IRAG2: variants seen among roughly 807,000 people sequenced by gnomAD.
IRAG2 encodes the protein inositol 1,4,5-triphosphate receptor associated 2, also known as lymphoid restricted membrane protein.
In IRAG2, 45 loss-of-function variants were observed where a neutral mutation model predicts 69.9. The ratio of observed to expected loss-of-function variants is 0.64; its 90% CI spans 0.51 to 0.83. The LOEUF (loss-of-function observed/expected upper bound fraction) is 0.83, where lower values mean the gene tolerates loss of function less well. Ranked by LOEUF, IRAG2 falls within the 40% of genes least tolerant of loss-of-function variation. The pLI is 0.00. For missense variants in IRAG2, 520 were observed against 587.0 expected, an observed-to-expected ratio of 0.89 and a Z score of 1.18; for synonymous variants, 193 against 202.4, an observed-to-expected ratio of 0.95 and a Z score of 0.40.
chr12:25,001,101 C>T (rs1484275127), upstream of IRAG2, among the ~76,000 whole-genome samples: 1 of 152,084 alleles, frequency 6.6e-6, no homozygotes, highest in Non-Finnish European at 1.5e-5. Flanking sequence ...AAAAGCAAAA[C>T]AAGTTAATCT....
At chr12:25,067,969 T>C (rs764114469) in intron 5 of IRAG2, among the ~76,000 whole-genome samples, 3 of 152,204 alleles carry the variant, frequency 2.0e-5, no homozygotes, top group Non-Finnish European at 2.9e-5. Context: ...GTCTCCCAAG[T>C]AGCTGGGATT....
chr12:25,061,938 T>A (rs2139972433), intron 2 of IRAG2, among the ~76,000 whole-genome samples: 1 of 152,348 alleles, frequency 6.6e-6, no homozygotes, highest in Middle Eastern at 3.4e-3. Context: ...GAACAGCCAG[T>A]TTTTCAGTCT....
chr12:25,037,400 G>T (rs1320477992), intron 15 of IRAG2, among the ~76,000 whole-genome samples: 1 of 152,132 alleles, frequency 6.6e-6, no homozygotes, highest in East Asian at 1.9e-4. Context: ...CTGGGTCCAA[G>T]TGATTCTCCT....
At chr12:25,099,995 C>A (rs1948652824) in intron 15 of IRAG2, among the ~76,000 whole-genome samples, 4 of 5,726 alleles carry the variant, frequency 7.0e-4, no homozygotes, top group African/African-American at 1.8e-3. Flanking sequence ...AGTGAGACTC[C>A]ATCTGAAAAA....
In IRAG2 at chr12:25,007,987, G is replaced by T. The variant is rs1379713468; in HGVS notation, c.688+2633G>T. 2.6e-5 allele frequency among the ~76,000 whole-genome samples: 4 copies of T among 151,988 alleles called. No individual in the cohort carries two copies. In the East Asian group the frequency reaches 5.8e-4, roughly 22 times the overall value. ...TTTATGGGGGCAAGAATTCTAATAG[G>T]TTGGTACAAATGTGACTGCAGTTTT... On this transcript the variant is annotated intron_variant, in intron 2 of 38. Transcript: ENST00000636465.
At chr12:25,017,220 C>T (rs1184976329) in exon 6 of IRAG2, 3 of 1,232,078 alleles carry the variant, frequency 2.4e-6, no homozygotes, top group Non-Finnish European at 2.0e-6. Flanking sequence ...TTTAAGTTGG[C>T]TTTAGAAACC....
chr12:25,095,710 T>G (rs1418263813), intron 14 of IRAG2, among the ~76,000 whole-genome samples: 1 of 152,224 alleles, frequency 6.6e-6, no homozygotes, highest in African/African-American at 2.4e-5. Context: ...TTTATGAAGA[T>G]TGGCATTAAT....
At chr12:25,076,784 T>G in intron 6 of IRAG2, 2 of 205,036 alleles carry the variant, frequency 9.8e-6, no homozygotes, top group Non-Finnish European at 1.7e-5. Flanking sequence ...AAATCAATTC[T>G]TATTGATTTT....
intron 14 of IRAG2, among the ~76,000 whole-genome samples, chr12:25,091,510 G>A (rs1284959093): frequency 6.6e-6 from 1 of 152,110 alleles, no homozygotes; most frequent in Non-Finnish European, 1.5e-5. Flanking sequence ...GGGCATTTGG[G>A]TTGCATCCAC....
intron 6 of IRAG2, chr12:25,076,640 G>C: frequency 1.0e-6 from 1 of 980,394 alleles, no homozygotes; most frequent in Non-Finnish European, 1.2e-6. Context: ...GATCTTGACA[G>C]GTACAAAATG....
At chr12:25,082,380 C>T (rs948365972) in intron 9 of IRAG2, among the ~76,000 whole-genome samples, 1 of 152,054 alleles carries the variant, frequency 6.6e-6, no homozygotes, top group Non-Finnish European at 1.5e-5. Context: ...AGCAGGATTG[C>T]TTGAACTCAA....
chr12:25,097,164 A>G lies in IRAG2; in HGVS notation c.741+120A>G, dbSNP rs138324511. Reference sequence around the variant, plus strand: ...AAAAAATACTTTTGTTGTATAAGACATATGCGTTTAATACATATGTGTTTA... The same window carrying G: ...AAAAAATACTTTTGTTGTATAAGACGTATGCGTTTAATACATATGTGTTTA... On this transcript the variant is annotated intron_variant, in intron 15 of 21. Transcript: ENST00000556887. The G allele has an allele frequency of 1.8e-4, 166 of 932,154 alleles. 1 individual carries two copies. The African/African-American group carries it at 2.5e-3, about 14-fold the overall frequency. 57.7% of individuals were successfully genotyped at this position (932,154 alleles called of 1,614,324 possible).
At chr12:25,042,218 A>T (rs1944756271) in intron 16 of IRAG2, among the ~76,000 whole-genome samples, 1 of 152,150 alleles carries the variant, frequency 6.6e-6, no homozygotes, top group South Asian at 2.1e-4. Context: ...GAGAGGAGTC[A>T]TCCTTGACTT....
At chr12:25,069,855 G>A (rs943923788) in intron 6 of IRAG2, among the ~76,000 whole-genome samples, 4 of 152,160 alleles carry the variant, frequency 2.6e-5, no homozygotes, top group Non-Finnish European at 5.9e-5. Flanking sequence ...CACAAAGCAC[G>A]GCCATGCCCA....
intron 6 of IRAG2, chr12:25,020,773 T>TC (rs1025179992): frequency 5.9e-6 from 7 of 1,177,530 alleles, no homozygotes; most frequent in East Asian, 6.4e-5. Context: ...CATGGCCTTC[T>TC]CCCCCCACCC....
chr12:25,076,071 A>G (rs1946671619), intron 6 of IRAG2, among the ~76,000 whole-genome samples: 1 of 151,610 alleles, frequency 6.6e-6, no homozygotes, highest in Admixed American at 6.7e-5. Flanking sequence ...TAAATTTGAA[A>G]CCAGATCAAA....
At chr12:25,051,094 A>C (rs892865659), upstream of IRAG2, among the ~76,000 whole-genome samples, 2 of 152,184 alleles carry the variant, frequency 1.3e-5, no homozygotes, top group Non-Finnish European at 2.9e-5. Flanking sequence ...TGTACACTTA[A>C]AAATTTGTTA....
At chr12:25,074,429 C>CA (rs1339995028) in intron 6 of IRAG2, among the ~76,000 whole-genome samples, 1 of 152,118 alleles carries the variant, frequency 6.6e-6, no homozygotes, top group African/African-American at 2.4e-5. Flanking sequence ...TAGTGGCTTC[C>CA]ATGCAGACTT....
chr12:25,010,853 C>T (rs1016133580), intron 2 of IRAG2, among the ~76,000 whole-genome samples: 2 of 152,082 alleles, frequency 1.3e-5, no homozygotes, highest in South Asian at 4.1e-4. Flanking sequence ...GGATGATTTT[C>T]TTTTCTGAAT....
Sources: gnomAD v4.1 joint callset for allele counts (sites outside exome capture counted in the v4.1 genomes callset) on GRCh38, gnomAD v4.1.1 for gene constraint, MANE v1.5 for transcripts, NCBI Gene and HGNC (gene_info 2026-07-23, HGNC 2026-07-21) for gene names.